The following PAPSS2 variants were observed in gnomAD, a reference collection of about 807,000 sequenced individuals.
PAPSS2 encodes 3'-phosphoadenosine 5'-phosphosulfate synthase 2.
In PAPSS2, 61 loss-of-function variants were observed where a neutral mutation model predicts 66.5. The ratio of observed to expected loss-of-function variants is 0.92; its 90% CI spans 0.75 to 1.14. PAPSS2 has a LOEUF of 1.14. PAPSS2 is among the 50% of genes most tolerant of loss of function. The pLI, the probability that PAPSS2 is intolerant of heterozygous loss-of-function variation, is 0.00. For missense variants in PAPSS2, 708 were observed against 789.6 expected (o/e 0.90, Z 1.24); for synonymous variants, 289 against 287.5 (o/e 1.01, Z -0.05).
chr10:87,704,260 A>C (rs1355338402), intron 1 of PAPSS2, among the ~76,000 whole-genome samples: 1 of 152,260 alleles, frequency 6.6e-6, no homozygotes, highest in East Asian at 1.9e-4. Context: ...CAGTTATCAA[A>C]GACCAAAAGT....
intron 9 of PAPSS2, 25 bp from the exon 10 acceptor site, chr10:87,741,210 G>A: frequency 6.2e-7 from 1 of 1,611,706 alleles, no homozygotes; most frequent in Non-Finnish European, 8.5e-7. Context: ...TTAATCATTA[G>A]CAATCATAAC....
chr10:87,662,767 C>T lies in PAPSS2; in HGVS notation c.27+2759C>T, dbSNP rs140266715. Among the ~76,000 whole-genome samples the T allele has an allele frequency of 4.1e-3, 626 of 152,228 alleles. 7 individuals are homozygous for T. Among genetic ancestry groups the T allele is most frequent in the African/African-American group, 0.014 (597 of 41,532 alleles). On this transcript the variant is annotated intron_variant, in intron 1 of 12. Transcript: ENST00000456849. ...ATTGACTGAGATATTAAGTTATTTC[C>T]GAAGGATCAAATAGGAAAACAATTG... is the stretch of plus-strand genomic sequence containing the variant.
At chr10:87,662,114 C>T (rs1852759591) in intron 1 of PAPSS2, among the ~76,000 whole-genome samples, 1 of 152,174 alleles carries the variant, frequency 6.6e-6, no homozygotes, top group African/African-American at 2.4e-5. Flanking sequence ...TGAGACTGAG[C>T]TGATCTTTTA....
chr10:87,709,069 T>C, intron 1 of PAPSS2, 127 bp from the exon 2 acceptor site: 1 of 629,990 alleles, frequency 1.6e-6, no homozygotes, highest in Non-Finnish European at 2.9e-6. Flanking sequence ...TTTCAAAATA[T>C]TTTTTATATA....
At position 87,715,812 on chromosome 10, in the gene PAPSS2, A is replaced by G. The variant is rs1277526227; in HGVS notation, c.834A>G (p.Leu278=). 1.9e-6 allele frequency: 3 copies of G among 1,611,420 alleles called. No homozygotes were observed. The highest frequency in any genetic ancestry group is 3.3e-5 in the Admixed American group (2 of 59,984). The change falls in exon 7 of 13, where the codon TTA becomes TTG. Residue 278 remains leucine (L), a synonymous_variant. Coordinates refer to ENST00000456849, the MANE Select transcript of PAPSS2 (RefSeq NM_001015880.2). ...LKGFMREKEY[L]QVMHFDTLLD... Reference sequence around the variant, plus strand: ...GTTTCATGCGGGAGAAGGAGTACTTACAGGTTATGCACTTTGACACCCTGC... The same window carrying G: ...GTTTCATGCGGGAGAAGGAGTACTTGCAGGTTATGCACTTTGACACCCTGC...
intron 1 of PAPSS2, among the ~76,000 whole-genome samples, chr10:87,704,197 A>G (rs1310199410): frequency 6.6e-6 from 1 of 152,258 alleles, no homozygotes; most frequent in Non-Finnish European, 1.5e-5. Flanking sequence ...TGGCCATCCG[A>G]AAGTATTTAT....
At chr10:87,669,634 T>C (rs1183010538) in intron 1 of PAPSS2, among the ~76,000 whole-genome samples, 1 of 152,254 alleles carries the variant, frequency 6.6e-6, no homozygotes, top group East Asian at 1.9e-4. Flanking sequence ...TTTCTTTTTT[T>C]AGAGCATGTG....
At chr10:87,722,376 G>T (rs1853608285) in intron 8 of PAPSS2, among the ~76,000 whole-genome samples, 1 of 152,192 alleles carries the variant, frequency 6.6e-6, no homozygotes, top group Admixed American at 6.5e-5. Flanking sequence ...TCTATCTTTG[G>T]TGTTGCTTTC....
At chr10:87,698,087 A>T (rs535839084) in intron 1 of PAPSS2, among the ~76,000 whole-genome samples, 124 of 152,364 alleles carry the variant, frequency 8.1e-4, no homozygotes, top group Non-Finnish European at 1.3e-3. Flanking sequence ...AGATGCCGTA[A>T]GTATGACCTC....
intron 10 of PAPSS2, among the ~76,000 whole-genome samples, 180 bp downstream of exon 10, chr10:87,741,550 A>G (rs1055422153): frequency 6.6e-6 from 1 of 152,070 alleles, no homozygotes; most frequent in East Asian, 1.9e-4. Flanking sequence ...GCCCACCACT[A>G]CGCCCAGCTA....
rs1254850328 is a variant in PAPSS2 at position 87,715,719 on chromosome 10, T to G, written c.754-13T>G. On this transcript the variant is annotated splice_polypyrimidine_tract_variant and intron_variant, in intron 6 of 12. Transcript: ENST00000456849. The stretch of plus-strand genomic sequence containing the variant: ...ACTTATGAAAATGTTCAACTACTTT[T>G]TGTGTTTTGCAGCTGGATCTCCAGT... The G allele has an allele frequency of 6.4e-7, 1 of 1,556,334 alleles. No individual in the cohort carries two copies. The highest frequency in any genetic ancestry group is 8.9e-7 in the Non-Finnish European group (1 of 1,127,218).
At chr10:87,703,487 G>T (rs975965518) in intron 1 of PAPSS2, among the ~76,000 whole-genome samples, 2 of 152,130 alleles carry the variant, frequency 1.3e-5, no homozygotes, top group African/African-American at 4.8e-5. Context: ...GGACTGATCA[G>T]ATCCAACATC....
At chr10:87,695,086 A>G (rs1853215658) in intron 1 of PAPSS2, among the ~76,000 whole-genome samples, 3 of 152,214 alleles carry the variant, frequency 2.0e-5, no homozygotes, top group Admixed American at 1.3e-4. Context: ...AAATGCAACG[A>G]TGTCTTAGTC....
intron 8 of PAPSS2, among the ~76,000 whole-genome samples, chr10:87,724,123 G>A (rs1260529135): frequency 6.6e-6 from 1 of 151,998 alleles, no homozygotes; most frequent in Non-Finnish European, 1.5e-5. Flanking sequence ...ACACCGTTTT[G>A]TACATTTTTT....
chr10:87,693,830 C>T (rs1236609131), intron 1 of PAPSS2, among the ~76,000 whole-genome samples: 3 of 152,134 alleles, frequency 2.0e-5, no homozygotes, highest in Admixed American at 6.6e-5. Context: ...TTCTTTTAAA[C>T]GTTTGGACTG....
chr10:87,679,614 T>G (rs771633788), intron 1 of PAPSS2, among the ~76,000 whole-genome samples: 7 of 152,182 alleles, frequency 4.6e-5, no homozygotes, highest in Non-Finnish European at 1.0e-4. Flanking sequence ...CCAATTTTTT[T>G]TATGTGTGTT....
chr10:87,679,800 T>C (rs1301506667), intron 1 of PAPSS2, among the ~76,000 whole-genome samples: 1 of 151,888 alleles, frequency 6.6e-6, no homozygotes, highest in East Asian at 1.9e-4. Flanking sequence ...CTGAGACAGG[T>C]AGATTGCTTG....
intron 1 of PAPSS2, among the ~76,000 whole-genome samples, chr10:87,683,984 C>T (rs1480438311): frequency 1.3e-5 from 2 of 152,204 alleles, no homozygotes; most frequent in Non-Finnish European, 1.5e-5. Flanking sequence ...AGCGTGCCAC[C>T]ACACCTGGCC....
chr10:87,690,890 C>T (rs1402721429), intron 1 of PAPSS2, among the ~76,000 whole-genome samples: 2 of 152,080 alleles, frequency 1.3e-5, no homozygotes, highest in Non-Finnish European at 2.9e-5. Flanking sequence ...TAAGGGCATA[C>T]AGCAGTTGGC....
Sources: allele counts gnomAD v4.1 joint callset (sites outside exome capture counted in the v4.1 genomes callset), GRCh38; gene constraint gnomAD v4.1.1; transcripts MANE v1.5; gene names NCBI Gene and HGNC (gene_info 2026-07-23, HGNC 2026-07-21).